The following NOX5 variants were observed in gnomAD, a reference collection of about 807,000 sequenced individuals.
The protein encoded by NOX5 is NADPH oxidase, EF-hand calcium binding domain 5.
A neutral mutation model predicts 85.7 loss-of-function variants in NOX5; 76 were observed. The observed-to-expected ratio is 0.89, with a 90% CI of 0.74 to 1.07. The LOEUF (loss-of-function observed/expected upper bound fraction) is 1.07. Ranked by LOEUF, NOX5 falls within the 50% of genes least tolerant of loss-of-function variation. The pLI is 0.00. For synonymous variants in NOX5, 405 were observed against 401.4 expected (o/e 1.01, Z -0.11); for missense variants, 973 against 999.5 (o/e 0.97, Z 0.36).
At position 69,037,119 on chromosome 15, in the gene NOX5, G is replaced by A. The variant is rs745747004; in HGVS notation, c.1280G>A (p.Gly427Glu). Reference protein sequence around the residue: ...PNFWKWLLVPGILFFLEKAIG... With the variant: ...PNFWKWLLVPEILFFLEKAIG... ...TTCTGGAAGTGGCTGCTGGTGCCTGGAATCTTGTTTTTCCTGGAGAAGGCC... is the reference window on the plus strand; with the variant it reads ...TTCTGGAAGTGGCTGCTGGTGCCTGAAATCTTGTTTTTCCTGGAGAAGGCC... The change falls in exon 8 of 16, where the codon GGA becomes GAA. Residue 427 changes from glycine to glutamate, a missense_variant. Transcript: ENST00000388866. 5 of 1,614,096 alleles carry A rather than the reference G, an allele frequency of 3.1e-6. No individual in the cohort carries two copies. Among genetic ancestry groups the A allele is most frequent in the East Asian group, 2.2e-5 (1 of 44,886 alleles).
At chr15:69,047,808 C>A (rs756202133) in intron 12 of NOX5, 22 bp from the exon 13 acceptor site, 2 of 1,613,628 alleles carry the variant, frequency 1.2e-6, no homozygotes, top group Non-Finnish European at 1.7e-6. Context: ...ATTTACAACC[C>A]CTTCCTCCTG....
intron 5 of NOX5, among the ~76,000 whole-genome samples, chr15:69,034,673 C>T (rs1016240869): frequency 6.6e-6 from 1 of 152,206 alleles, no homozygotes; most frequent in Non-Finnish European, 1.5e-5. Flanking sequence ...CAAGGCACCT[C>T]GAGAACTAAC....
In NOX5 at chr15:69,060,297, G is replaced by A. The variant is rs1029661003; in HGVS notation, c.*3601G>A. 3 of 152,316 alleles carry A rather than the reference G, an allele frequency of 2.0e-5. No homozygotes were observed. The allele number at this position is 152,316 out of a possible 1,614,324, so 9.4% of individuals were successfully genotyped here. On this transcript the variant is annotated 3_prime_UTR_variant, in exon 16 of 16. Coordinates refer to ENST00000388866, the MANE Select transcript of NOX5 (RefSeq NM_024505.4). ...GGCAGACAAGGTTGAAGGTAGGGAG[G>A]GATGAGGAACATTAGCCGAGACTGG...
chr15:69,047,675 C>A (rs907302740), intron 12 of NOX5, 138 bp downstream of exon 12: 1 of 1,328,000 alleles, frequency 7.5e-7, no homozygotes, highest in Non-Finnish European at 1.0e-6. Flanking sequence ...TCCTCTCCTG[C>A]TCTGCCCCCC....
intron 8 of NOX5, chr15:69,037,429 C>G (rs1466027611): frequency 1.1e-5 from 6 of 552,562 alleles, no homozygotes. Flanking sequence ...CAATAAACCT[C>G]TAAAATCCGA....
intron 14 of NOX5, among the ~76,000 whole-genome samples, chr15:69,054,314 T>G (rs1352698355): frequency 6.6e-6 from 1 of 152,178 alleles, no homozygotes; most frequent in Non-Finnish European, 1.5e-5. Context: ...GACCTATAAC[T>G]TTGTGGCGCA....
chr15:69,031,784 C>G lies in NOX5; in HGVS notation c.592C>G (p.Pro198Ala), dbSNP rs1466864762. 2 of 1,604,386 alleles carry G rather than the reference C, an allele frequency of 1.2e-6. No homozygotes were observed. The highest frequency in any genetic ancestry group is 2.7e-5 in the African/African-American group (2 of 74,788). The change falls in exon 4 of 16, where the codon CCC (proline) becomes GCC (alanine). Residue 198 changes from proline to alanine, a missense_variant. Physicochemically the swap from Pro to Ala is conservative, Grantham distance 27. Transcript: ENST00000388866. ...EELRDELQRFPGVMENLTISA... is the reference protein window; with the variant it reads ...EELRDELQRFAGVMENLTISA... Reference sequence around the variant, plus strand: ...GCTCCGGGACGAGCTGCAGCGCTTCCCCGGAGTCATGGAGAACCTGACCAT... The same window carrying G: ...GCTCCGGGACGAGCTGCAGCGCTTCGCCGGAGTCATGGAGAACCTGACCAT...
chr15:69,047,769 C>T (rs2050694129), intron 12 of NOX5, 61 bp from the exon 13 acceptor site: 1 of 1,549,780 alleles, frequency 6.5e-7, no homozygotes, highest in Non-Finnish European at 8.9e-7. Flanking sequence ...CTGAACTGTT[C>T]TCTGGGGTCC....
intron 1 of NOX5, among the ~76,000 whole-genome samples, chr15:69,021,110 G>A (rs2050290550): frequency 6.6e-6 from 1 of 151,478 alleles, no homozygotes; most frequent in Non-Finnish European, 1.5e-5. Context: ...TTATATTTTA[G>A]TTAAAGCTTT....
chr15:69,049,012 C>A lies in NOX5; in HGVS notation c.1953C>A (p.Ser651Arg). Residue 651 changes from serine to arginine, a missense_variant, in exon 14 of 16, where the codon AGC (serine) becomes AGA (arginine). Physicochemically the swap from Ser to Arg is moderately radical, Grantham distance 110 (BLOSUM62 -1). Transcript: ENST00000388866. ...RDQRSFEWFV[S>R]LLTKLEMDQA... ...AGCGGTCTTTCGAGTGGTTTGTGAG[C>A]CTGCTGACTAAACTGGAGATGGACC... is the stretch of plus-strand genomic sequence containing the variant. The A allele has an allele frequency of 6.2e-7, 1 of 1,612,878 alleles. No individual in the cohort carries two copies. The highest frequency in any genetic ancestry group is 2.2e-5 in the East Asian group (1 of 44,876).
Position 69,042,708 on chromosome 15 carries a change from G to A in NOX5, c.1550G>A (p.Arg517Lys), listed in dbSNP as rs1290348152. ...CGGTCCCAAGGCCAGTGGACAAACA[G>A]GCTGTATGAGTCCTTCAAGGCATCA... ...HIRSQGQWTN[R>K]LYESFKASDP... The change falls in exon 10 of 16, where the codon AGG becomes AAG. Residue 517 changes from arginine to lysine, a missense_variant. Arg to Lys is a conservative substitution (Grantham distance 26). Transcript: ENST00000388866. 6.2e-7 allele frequency: 1 copy of A among 1,613,984 alleles called. No individual in the cohort carries two copies. The highest frequency in any genetic ancestry group is 8.5e-7 in the Non-Finnish European group (1 of 1,180,032).
At chr15:69,035,220 G>A (rs2050495535) in intron 5 of NOX5, 134 bp from the exon 6 acceptor site, 1 of 898,528 alleles carries the variant, frequency 1.1e-6, no homozygotes, top group Admixed American at 2.8e-5. Context: ...AACAAGGCAT[G>A]GGGGCAGGGG....
intron 5 of NOX5, among the ~76,000 whole-genome samples, chr15:69,034,046 T>C (rs1034359370): frequency 3.9e-5 from 6 of 152,156 alleles, no homozygotes; most frequent in Non-Finnish European, 8.8e-5. Flanking sequence ...AGCCCTCTTA[T>C]GCTTATATGC....
Position 69,057,032 on chromosome 15 carries a change from T to TC in NOX5, c.*341dup, listed in dbSNP as rs1427046974. On this transcript the variant is annotated 3_prime_UTR_variant, in exon 16 of 16. Coordinates refer to ENST00000388866, the MANE Select transcript of NOX5 (RefSeq NM_024505.4). ...CTCCAAACATTTTCCGACGGAGCCT[T>TC]CCCCCACATCCATGGTCCCAAACCT... The TC allele has an allele frequency of 3.9e-5, 8 of 204,954 alleles. No individual in the cohort carries two copies. Among genetic ancestry groups the TC allele is most frequent in the Admixed American group, 3.6e-4 (7 of 19,218 alleles). 12.7% of individuals were successfully genotyped at this position (204,954 alleles called of 1,614,324 possible).
chr15:69,048,160 A>G (rs192493883), intron 13 of NOX5, among the ~76,000 whole-genome samples: 4 of 152,406 alleles, frequency 2.6e-5, no homozygotes, highest in Admixed American at 1.3e-4. Context: ...TAAATGTTGC[A>G]AAGCTTGACA....
At position 69,061,747 on chromosome 15, in the gene NOX5, A is replaced by ATAC. The variant is rs1419299472; in HGVS notation, c.*5056_*5058dup. On this transcript the variant is annotated 3_prime_UTR_variant, in exon 16 of 16. Transcript: ENST00000388866. ...CCATGGCCCCAAAAGGGCTGCCCTA[A>ATAC]TACTACTCAGGGACAAATGGGCCCT... is the stretch of plus-strand genomic sequence containing the variant. 3 of 152,324 alleles carry ATAC rather than the reference A, an allele frequency of 2.0e-5. No individual in the cohort carries two copies. The East Asian group carries it at 5.8e-4, about 29-fold the overall frequency. The allele number at this position is 152,324 out of a possible 1,614,324, so 9.4% of individuals were successfully genotyped here.
chr15:69,061,434 G>A lies in NOX5; in HGVS notation c.*4738G>A, dbSNP rs1460409165. The A allele has an allele frequency of 6.6e-6, 1 of 152,264 alleles. No homozygotes were observed. Among genetic ancestry groups the A allele is most frequent in the East Asian group, 1.9e-4 (1 of 5,206 alleles). The allele number at this position is 152,264 out of a possible 1,614,324, so 9.4% of individuals were successfully genotyped here. A position where few individuals can be genotyped will look rare whatever the true frequency, so the allele number is the denominator to read the frequency against. ...GTGAAATTGTGTGCACAGGGGCTAA[G>A]CCCAGCACCAGCCCAGCCTGGGAGT... On this transcript the variant is annotated 3_prime_UTR_variant, in exon 16 of 16. Coordinates refer to ENST00000388866, the MANE Select transcript of NOX5 (RefSeq NM_024505.4).
At chr15:69,054,353 T>G (rs2050784506) in intron 14 of NOX5, among the ~76,000 whole-genome samples, 1 of 152,204 alleles carries the variant, frequency 6.6e-6, no homozygotes, top group African/African-American at 2.4e-5. Context: ...CCTTGTGGGC[T>G]CCTTCGTCCC....
intron 4 of NOX5, among the ~76,000 whole-genome samples, chr15:69,032,783 G>A (rs920258969): frequency 2.6e-5 from 4 of 152,134 alleles, no homozygotes; most frequent in African/African-American, 9.7e-5. Flanking sequence ...CTTTTCGACT[G>A]CTTCTTTTAA....
Sources: gnomAD v4.1 joint callset for allele counts (sites outside exome capture counted in the v4.1 genomes callset) on GRCh38, gnomAD v4.1.1 for gene constraint, MANE v1.5 for transcripts, NCBI Gene and HGNC (gene_info 2026-07-23, HGNC 2026-07-21) for gene names.